PARD3B: variants seen among roughly 807,000 people sequenced by gnomAD.
PARD3B encodes the protein partitioning defective 3 homolog B.
PARD3B carries 103 observed loss-of-function variants against 130.2 expected under a neutral mutation model. The observed-to-expected ratio is 0.79, with a 90% CI of 0.67 to 0.93. PARD3B has a LOEUF of 0.93. Among genes scored for constraint, PARD3B ranks in the 40% least tolerant of loss-of-function variants. The probability of loss-of-function intolerance (pLI) is 0.00; values close to 1 mark genes in which losing one functional copy is unlikely to be tolerated. For missense variants in PARD3B, 1,609 were observed against 1,499.2 expected, an observed-to-expected ratio of 1.07 and a Z score of -1.21; for synonymous variants, 583 against 553.2, an observed-to-expected ratio of 1.05 and a Z score of -0.76.
rs901534470 is a variant in PARD3B at position 205,122,211 on chromosome 2, A to G, written c.1165+262A>G. ...AAGAATCATTGCAAACCTGATATCA[A>G]CAGAGCAATATTGTATTACAACTTA... On this transcript the variant is annotated intron_variant, in intron 8 of 22. Coordinates refer to ENST00000406610, the MANE Select transcript of PARD3B (RefSeq NM_001302769.2). The surrounding 1 kb of genome is among the most constrained non-coding windows in gnomAD (Gnocchi z 4.3). 6.6e-6 allele frequency among the ~76,000 whole-genome samples: 1 copy of G among 152,222 alleles called. No homozygotes were observed. Among genetic ancestry groups the G allele is most frequent in the African/African-American group, 2.4e-5 (1 of 41,456 alleles).
intron 6 of PARD3B, among the ~76,000 whole-genome samples, chr2:205,114,666 C>T (rs772981871): frequency 2.6e-5 from 4 of 151,638 alleles, no homozygotes; most frequent in Non-Finnish European, 4.4e-5. Flanking sequence ...TGCCCTATAG[C>T]GAAAAGAACA....
intron 16 of PARD3B, among the ~76,000 whole-genome samples, chr2:205,278,325 G>C (rs1436622429): frequency 6.6e-6 from 1 of 152,158 alleles, no homozygotes; most frequent in Non-Finnish European, 1.5e-5. Flanking sequence ...GTTTTTAGGA[G>C]AGACTCAAGG....
At chr2:204,929,396 T>C (rs1687861984) in intron 2 of PARD3B, among the ~76,000 whole-genome samples, 1 of 152,150 alleles carries the variant, frequency 6.6e-6, no homozygotes, top group Non-Finnish European at 1.5e-5. Context: ...AGCTTATTTG[T>C]TGTTATTTCA....
rs988313721 is a variant in PARD3B, at chr2:205,575,815, A to G, written c.3260+22412A>G. 3.9e-5 allele frequency among the ~76,000 whole-genome samples: 6 copies of G among 152,186 alleles called. No individual in the cohort carries two copies. The highest frequency in any genetic ancestry group is 1.4e-4 in the African/African-American group (6 of 41,448). The stretch of plus-strand genomic sequence containing the variant: ...TTGCCTCCAGGTTTTGACCATTATG[A>G]ATAAAGATGCTGTAAACGTGTATGG... On this transcript the variant is annotated intron_variant, in intron 22 of 22. Coordinates refer to ENST00000406610, the MANE Select transcript of PARD3B (RefSeq NM_001302769.2). The surrounding 1 kb of genome is among the most constrained non-coding windows in gnomAD (Gnocchi z 4.6).
At chr2:205,127,770 C>T (rs999960578) in intron 10 of PARD3B, among the ~76,000 whole-genome samples, 2 of 152,174 alleles carry the variant, frequency 1.3e-5, no homozygotes, top group Admixed American at 1.3e-4. Context: ...ATATAGTCCC[C>T]ATTTCCATTC....
At chr2:204,666,162 C>T (rs930084665) in intron 1 of PARD3B, among the ~76,000 whole-genome samples, 1 of 152,094 alleles carries the variant, frequency 6.6e-6, no homozygotes, top group African/African-American at 2.4e-5. Context: ...GAAGACATTG[C>T]CCCTGCTCTT....
intron 16 of PARD3B, among the ~76,000 whole-genome samples, chr2:205,257,650 C>T (rs980528569): frequency 8.5e-5 from 13 of 152,054 alleles, no homozygotes; most frequent in Non-Finnish European, 1.3e-4. Flanking sequence ...TCACTTACAG[C>T]GCTGCTACAT....
chr2:204,606,319 T>C lies in PARD3B; in HGVS notation c.120+60200T>C, dbSNP rs984744608. ...AAACCTCAGTGGCTTTAGTACTTTT[T>C]AGTACTAAGAGGACTACTTTTTTAG... On this transcript the variant is annotated intron_variant, in intron 1 of 22. Coordinates refer to ENST00000406610, the MANE Select transcript of PARD3B (RefSeq NM_001302769.2). This position sits in a 1 kb window ranked among gnomAD's most constrained non-coding sequence, Gnocchi z 4.0. Among the ~76,000 whole-genome samples the C allele has an allele frequency of 1.3e-4, 20 of 152,300 alleles. No individual in the cohort carries two copies. The highest frequency in any genetic ancestry group is 3.8e-4 in the African/African-American group (16 of 41,574).
At chr2:204,575,641 C>G (rs2032218814) in intron 1 of PARD3B, among the ~76,000 whole-genome samples, 1 of 152,194 alleles carries the variant, frequency 6.6e-6, no homozygotes, top group African/African-American at 2.4e-5. Flanking sequence ...CAGGCCCCTG[C>G]CTGTTCTCCT....
chr2:205,010,805 C>G (rs1404276611), intron 3 of PARD3B, among the ~76,000 whole-genome samples: 1 of 151,962 alleles, frequency 6.6e-6, no homozygotes, highest in Non-Finnish European at 1.5e-5. Flanking sequence ...GAGTGGTGTG[C>G]TTTATCAAGT....
intron 20 of PARD3B, among the ~76,000 whole-genome samples, chr2:205,476,989 T>G (rs1456750139): frequency 6.6e-6 from 1 of 152,236 alleles, no homozygotes; most frequent in Non-Finnish European, 1.5e-5. Context: ...TTACATCTAT[T>G]TATATTTGTG....
intron 15 of PARD3B, among the ~76,000 whole-genome samples, chr2:205,199,260 C>T (rs113781461): frequency 6.6e-6 from 1 of 152,012 alleles, no homozygotes; most frequent in East Asian, 1.9e-4. Flanking sequence ...GAAAGAAAAG[C>T]TCAAGAGTTA....
chr2:204,649,801 C>A (rs2125166771), intron 1 of PARD3B, among the ~76,000 whole-genome samples: 1 of 152,262 alleles, frequency 6.6e-6, no homozygotes, highest in African/African-American at 2.4e-5. Context: ...AAATCCAAAA[C>A]TATAAAAAGC....
intron 2 of PARD3B, among the ~76,000 whole-genome samples, chr2:204,959,881 C>T (rs867780355): frequency 6.6e-6 from 1 of 152,130 alleles, no homozygotes; most frequent in African/African-American, 2.4e-5. Flanking sequence ...ACACATACCA[C>T]GTTAATGTAT....
intron 2 of PARD3B, among the ~76,000 whole-genome samples, chr2:204,724,554 G>T (rs188103535): frequency 1.3e-5 from 2 of 152,200 alleles, no homozygotes; most frequent in Non-Finnish European, 2.9e-5. Flanking sequence ...TCATCAGTGG[G>T]TAGTTAAAAA....
intron 15 of PARD3B, among the ~76,000 whole-genome samples, chr2:205,193,556 C>T (rs1473520146): frequency 1.3e-5 from 2 of 152,224 alleles, no homozygotes; most frequent in Non-Finnish European, 2.9e-5. Context: ...TATAAACTAT[C>T]CTCCCATCAT....
At chr2:204,598,133 G>A (rs181219721) in intron 1 of PARD3B, among the ~76,000 whole-genome samples, 51 of 152,104 alleles carry the variant, frequency 3.4e-4, no homozygotes, top group Admixed American at 5.9e-4. Context: ...TTACTCCTTT[G>A]TTTCCATCCT....
intron 2 of PARD3B, among the ~76,000 whole-genome samples, chr2:204,896,395 G>A (rs1180285464): frequency 1.3e-5 from 2 of 152,124 alleles, no homozygotes; most frequent in East Asian, 3.9e-4. Context: ...GAAGCTCAAG[G>A]GCTCTGGAGT....
rs1182623220 is a variant in PARD3B at position 205,264,395 on chromosome 2, C to T, written c.2185+18573C>T. 3.3e-5 allele frequency among the ~76,000 whole-genome samples: 5 copies of T among 151,012 alleles called. 1 individual carries two copies. The highest frequency in any genetic ancestry group is 1.9e-4 in the East Asian group (1 of 5,158). ...GTCTCATTTTTGCTATTATCATGTT[C>T]AGTGGTTTGAAACAACTAGAATTTT... On this transcript the variant is annotated intron_variant, in intron 16 of 22. Coordinates refer to ENST00000406610, the MANE Select transcript of PARD3B (RefSeq NM_001302769.2).
Sources: allele counts gnomAD v4.1 joint callset (sites outside exome capture counted in the v4.1 genomes callset), GRCh38; gene constraint gnomAD v4.1.1; non-coding constraint Gnocchi (gnomAD v3.1); transcripts MANE v1.5; gene names NCBI Gene and HGNC (gene_info 2026-07-23, HGNC 2026-07-21).